The following ST7 variants were observed in gnomAD, a reference collection of about 807,000 sequenced individuals.
The protein encoded by ST7 is suppressor of tumorigenicity 7 protein.
ST7 carries 28 observed loss-of-function variants against 78.7 expected under a neutral mutation model. That is an observed-to-expected ratio of 0.36 (90% CI 0.26 to 0.49). ST7 has a LOEUF of 0.49. Ranked by LOEUF, ST7 falls within the 20% of genes least tolerant of loss-of-function variation. The pLI, the probability that ST7 is intolerant of heterozygous loss-of-function variation, is 0.99. For synonymous variants in ST7, 247 were observed against 249.6 expected, an observed-to-expected ratio of 0.99 and a Z score of 0.10; for missense variants, 418 against 696.0, an observed-to-expected ratio of 0.60 and a Z score of 4.49.
chr7:117,168,736 C>T (rs1052120640), intron 9 of ST7, among the ~76,000 whole-genome samples: 2 of 152,052 alleles, frequency 1.3e-5, no homozygotes, highest in Non-Finnish European at 2.9e-5. Flanking sequence ...CTCTTTTGGG[C>T]TGCAGAAAAT....
At chr7:116,956,592 C>T (rs1282195008) in intron 1 of ST7, 1 of 471,046 alleles carries the variant, frequency 2.1e-6, no homozygotes, top group Non-Finnish European at 4.4e-6. Flanking sequence ...TTCCATAGGC[C>T]CAGCTCTGTA....
chr7:117,042,822 G>T (rs1397367483), intron 1 of ST7, among the ~76,000 whole-genome samples: 1 of 151,742 alleles, frequency 6.6e-6, no homozygotes, highest in African/African-American at 2.4e-5. Context: ...CCAGTTAGAG[G>T]TTTTTTTCCT....
intron 2 of ST7, among the ~76,000 whole-genome samples, chr7:117,105,061 A>T (rs1801847711): frequency 6.6e-6 from 1 of 152,188 alleles, no homozygotes. Flanking sequence ...AGGGAGAATG[A>T]TTGAATCAGG....
intron 1 of ST7, among the ~76,000 whole-genome samples, chr7:117,058,028 T>C (rs1414296560): frequency 6.6e-6 from 1 of 152,206 alleles, no homozygotes; most frequent in Non-Finnish European, 1.5e-5. Context: ...TTAGATATGC[T>C]ATCATTAGAA....
intron 1 of ST7, among the ~76,000 whole-genome samples, chr7:117,085,179 A>G (rs112245058): frequency 1.8e-4 from 28 of 152,340 alleles, no homozygotes; most frequent in African/African-American, 6.5e-4. Context: ...ACTGAGGTAG[A>G]CTTTATATTA....
chr7:117,065,321 G>T (rs1301178549), intron 1 of ST7, among the ~76,000 whole-genome samples: 2 of 145,686 alleles, frequency 1.4e-5, no homozygotes, highest in Non-Finnish European at 3.0e-5. Flanking sequence ...CCATTCTCCC[G>T]CCTCAGCCTC....
intron 3 of ST7, among the ~76,000 whole-genome samples, chr7:117,126,252 A>G (rs1018805774): frequency 2.0e-5 from 3 of 151,590 alleles, no homozygotes; most frequent in African/African-American, 7.3e-5. Context: ...ATGACTAGGG[A>G]TTTTCTATCT....
chr7:117,153,578 G>A (rs1806456454), intron 9 of ST7, among the ~76,000 whole-genome samples: 1 of 152,178 alleles, frequency 6.6e-6, no homozygotes, highest in Non-Finnish European at 1.5e-5. Flanking sequence ...ACATCTTAGA[G>A]GGAGGAAATG....
At chr7:117,097,908 A>ATATATATATATATATAT in intron 1 of ST7, among the ~76,000 whole-genome samples, 2 of 30,014 alleles carry the variant, frequency 6.7e-5, no homozygotes, top group Non-Finnish European at 1.1e-4. Context: ...ATATATATAT[A>ATATATATATATATATAT]TTTTTTTTTT....
chr7:117,191,991 A>AT (rs1185572541), intron 12 of ST7, among the ~76,000 whole-genome samples: 3 of 152,010 alleles, frequency 2.0e-5, no homozygotes, highest in African/African-American at 7.3e-5. Context: ...AGTCTAGGTC[A>AT]TTTTTTTCAC....
At chr7:117,127,002 T>A (rs1803906936) in intron 3 of ST7, among the ~76,000 whole-genome samples, 1 of 151,908 alleles carries the variant, frequency 6.6e-6, no homozygotes, top group South Asian at 2.1e-4. Flanking sequence ...AATTGCTGCA[T>A]ATGGAACTAT....
chr7:117,168,170 A>G (rs980123793), intron 9 of ST7, among the ~76,000 whole-genome samples: 9 of 152,134 alleles, frequency 5.9e-5, no homozygotes, highest in Non-Finnish European at 2.9e-5. Context: ...TTGTTTTTGG[A>G]CACAGTATAC....
intron 15 of ST7, among the ~76,000 whole-genome samples, chr7:117,227,564 G>A (rs1258726747): frequency 1.3e-5 from 2 of 152,172 alleles, no homozygotes; most frequent in East Asian, 3.8e-4. Context: ...CATATACGCA[G>A]ACATATATAA....
intron 1 of ST7, among the ~76,000 whole-genome samples, chr7:116,995,577 C>G (rs1385165897): frequency 1.3e-5 from 2 of 152,218 alleles, no homozygotes; most frequent in African/African-American, 4.8e-5. Context: ...TACAGAATGT[C>G]TTGGATGATG....
intron 2 of ST7, among the ~76,000 whole-genome samples, chr7:117,118,813 C>T (rs1483799235): frequency 2.0e-5 from 3 of 152,140 alleles, no homozygotes; most frequent in African/African-American, 7.2e-5. Context: ...CTTAGGAGGT[C>T]CTGACTTCAG....
In ST7 at chr7:117,190,018, G is replaced by A. The variant is rs570766083; in HGVS notation, c.1151+625G>A. On this transcript the variant is annotated intron_variant, in intron 11 of 15. Transcript: ENST00000323984. This position sits in a 1 kb window ranked among gnomAD's most constrained non-coding sequence, Gnocchi z 5.2. The stretch of plus-strand genomic sequence containing the variant: ...GCTTCCCCAATATAATCCCTCTGTA[G>A]CATCGAAAGCAGAGAACAGGAAACC... 7 of 155,336 alleles carry A rather than the reference G, an allele frequency of 4.5e-5. No individual in the cohort carries two copies. The highest frequency in any genetic ancestry group is 1.7e-4 in the African/African-American group (7 of 41,590). 9.6% of individuals were successfully genotyped at this position (155,336 alleles called of 1,614,324 possible).
intron 3 of ST7, among the ~76,000 whole-genome samples, chr7:117,122,731 A>G (rs1309671275): frequency 1.3e-5 from 2 of 152,162 alleles, no homozygotes; most frequent in Non-Finnish European, 2.9e-5. Flanking sequence ...GGCTTCTGAT[A>G]TTTGGCTGAC....
At chr7:117,086,221 A>G (rs768100075) in intron 1 of ST7, among the ~76,000 whole-genome samples, 2 of 152,196 alleles carry the variant, frequency 1.3e-5, no homozygotes, top group Non-Finnish European at 2.9e-5. Context: ...GTTTGTTTCT[A>G]TAGTAACATG....
At chr7:117,064,848 G>A (rs371234037) in intron 1 of ST7, among the ~76,000 whole-genome samples, 10 of 152,276 alleles carry the variant, frequency 6.6e-5, no homozygotes, top group Admixed American at 6.5e-4. Context: ...AACAGGAGTT[G>A]ATGGATCCCC....
Sources: gnomAD v4.1 joint callset for allele counts (sites outside exome capture counted in the v4.1 genomes callset) on GRCh38, gnomAD v4.1.1 for gene constraint, Gnocchi (gnomAD v3.1) non-coding constraint, MANE v1.5 for transcripts, NCBI Gene and HGNC (gene_info 2026-07-23, HGNC 2026-07-21) for gene names.